The following EXOC4 variants were observed in gnomAD, a reference collection of about 807,000 sequenced individuals.
EXOC4 encodes the protein exocyst complex component 4.
In EXOC4, 71 loss-of-function variants were observed where a neutral mutation model predicts 107.2. That is an observed-to-expected ratio of 0.66 (90% CI 0.55 to 0.81). The LOEUF (loss-of-function observed/expected upper bound fraction) is 0.81, where lower values mean the gene tolerates loss of function less well. Ranked by LOEUF, EXOC4 falls within the 30% of genes least tolerant of loss-of-function variation. The pLI, the probability that EXOC4 is intolerant of heterozygous loss-of-function variation, is 0.00. For missense variants in EXOC4, 1,108 were observed against 1,189.6 expected (o/e 0.93, Z 1.01); for synonymous variants, 456 against 441.2 (o/e 1.03, Z -0.42).
intron 6 of EXOC4, among the ~76,000 whole-genome samples, chr7:133,357,235 A>G (rs1374263306): frequency 6.6e-6 from 1 of 152,238 alleles, no homozygotes; most frequent in Non-Finnish European, 1.5e-5. Flanking sequence ...TATGTATATT[A>G]TCTCACTTAA....
intron 9 of EXOC4, among the ~76,000 whole-genome samples, chr7:133,536,511 A>G (rs1294592661): frequency 6.6e-6 from 1 of 151,848 alleles, no homozygotes; most frequent in Non-Finnish European, 1.5e-5. Context: ...TTTTCCAGTC[A>G]TACCCATTGT....
At chr7:133,304,601 T>A (rs549322607) in intron 3 of EXOC4, among the ~76,000 whole-genome samples, 58 of 152,312 alleles carry the variant, frequency 3.8e-4, no homozygotes, top group African/African-American at 1.3e-3. Flanking sequence ...CAGGCTGGTT[T>A]ATATTTGGCA....
chr7:133,946,555 A>C (rs1375108036), intron 14 of EXOC4, among the ~76,000 whole-genome samples: 4 of 152,158 alleles, frequency 2.6e-5, no homozygotes, highest in Non-Finnish European at 5.9e-5. Context: ...TCTTAAATGT[A>C]CTCTGCTTAT....
chr7:133,369,068 G>A (rs1434822875), intron 6 of EXOC4, among the ~76,000 whole-genome samples: 1 of 152,176 alleles, frequency 6.6e-6, no homozygotes, highest in Non-Finnish European at 1.5e-5. Context: ...CTGGGGCATT[G>A]TGTTTTCATC....
At chr7:133,331,461 CTTTTTTTTTTTTT>C (rs58568173) in intron 5 of EXOC4, among the ~76,000 whole-genome samples, 3 of 85,602 alleles carry the variant, frequency 3.5e-5, no homozygotes, top group Non-Finnish European at 6.8e-5. Context: ...TTTCTTTTTT[CTTTTTTTTTTTTT>C]TTTTTTTTTT....
At chr7:133,993,575 G>T (rs1419361551) in intron 14 of EXOC4, among the ~76,000 whole-genome samples, 1 of 152,126 alleles carries the variant, frequency 6.6e-6, no homozygotes, top group East Asian at 1.9e-4. Flanking sequence ...GATTTAACTT[G>T]GCAGCAAGTT....
chr7:133,356,630 G>A, intron 6 of EXOC4, 57 bp downstream of exon 6: 1 of 1,588,094 alleles, frequency 6.3e-7, no homozygotes, highest in Non-Finnish European at 8.6e-7. Flanking sequence ...CATTTTCTAG[G>A]GTGGGGCGTA....
At chr7:134,044,946 A>G (rs991451850) in intron 17 of EXOC4, among the ~76,000 whole-genome samples, 1 of 152,218 alleles carries the variant, frequency 6.6e-6, no homozygotes, top group East Asian at 1.9e-4. Context: ...AGGGTATGAT[A>G]GTGTATTGCT....
At chr7:133,934,870 C>T (rs1012555560) in intron 13 of EXOC4, among the ~76,000 whole-genome samples, 1 of 151,416 alleles carries the variant, frequency 6.6e-6, no homozygotes, top group African/African-American at 2.4e-5. Flanking sequence ...ACGGAGGAGA[C>T]ATTGTTTTGC....
chr7:133,412,074 A>G (rs1339067284), intron 7 of EXOC4, among the ~76,000 whole-genome samples: 1 of 152,004 alleles, frequency 6.6e-6, no homozygotes, highest in African/African-American at 2.4e-5. Context: ...GGAAGATGTC[A>G]GACCTTCGAG....
At chr7:133,291,233 A>C (rs1794397792) in intron 3 of EXOC4, among the ~76,000 whole-genome samples, 1 of 151,934 alleles carries the variant, frequency 6.6e-6, no homozygotes, top group Admixed American at 6.6e-5. Flanking sequence ...TTGTTTATAT[A>C]TTCTAGATAT....
chr7:134,031,297 T>C (rs555769619), intron 17 of EXOC4, among the ~76,000 whole-genome samples: 17 of 152,238 alleles, frequency 1.1e-4, no homozygotes, highest in Non-Finnish European at 2.2e-4. Context: ...AAGCTGTTTT[T>C]TGAAGAAGAA....
intron 9 of EXOC4, among the ~76,000 whole-genome samples, chr7:133,517,165 G>A (rs530363339): frequency 6.6e-6 from 1 of 152,214 alleles, no homozygotes; most frequent in African/African-American, 2.4e-5. Flanking sequence ...TGGAAGACAT[G>A]TTTGAAACTG....
intron 9 of EXOC4, among the ~76,000 whole-genome samples, chr7:133,509,628 C>T (rs184048998): frequency 3.3e-5 from 5 of 152,238 alleles, no homozygotes; most frequent in South Asian, 2.1e-4. Flanking sequence ...AGGAAGGAGC[C>T]TTGATGCCAA....
At chr7:133,369,079 C>T (rs552647455) in intron 6 of EXOC4, among the ~76,000 whole-genome samples, 4 of 152,298 alleles carry the variant, frequency 2.6e-5, no homozygotes, top group African/African-American at 7.2e-5. Context: ...TGTTTTCATC[C>T]TTAGTGTGTC....
At chr7:133,570,511 A>G (rs899090785) in intron 9 of EXOC4, among the ~76,000 whole-genome samples, 4 of 152,212 alleles carry the variant, frequency 2.6e-5, no homozygotes, top group African/African-American at 9.7e-5. Context: ...AAAAGTGCAG[A>G]TAACCTGATC....
intron 9 of EXOC4, among the ~76,000 whole-genome samples, chr7:133,578,326 G>A (rs909521165): frequency 5.9e-5 from 9 of 152,128 alleles, no homozygotes; most frequent in Admixed American, 2.0e-4. Context: ...AAAATTTTGA[G>A]TGTAGTTCCC....
chr7:133,475,259 A>G lies in EXOC4; in HGVS notation c.1183-69A>G, dbSNP rs1325540975. Reference sequence around the variant, plus strand: ...TTAGAATTAGATTTGCATGGTTTTAAAATAGTTTTTCTTAATTGCACATTA... The same window carrying G: ...TTAGAATTAGATTTGCATGGTTTTAGAATAGTTTTTCTTAATTGCACATTA... On this transcript the variant is annotated intron_variant, in intron 7 of 17. Coordinates refer to ENST00000253861, the MANE Select transcript of EXOC4 (RefSeq NM_021807.4). 1.1e-4 allele frequency: 154 copies of G among 1,340,450 alleles called. 2 individuals carry two copies. The East Asian group carries it at 3.6e-3, about 31-fold the overall frequency. The allele number at this position is 1,340,450 out of a possible 1,614,324, so 83.0% of individuals were successfully genotyped here. A position where few individuals can be genotyped will look rare whatever the true frequency, so the allele number is the denominator to read the frequency against.
At chr7:133,512,424 A>G (rs1327901558) in intron 9 of EXOC4, among the ~76,000 whole-genome samples, 1 of 151,728 alleles carries the variant, frequency 6.6e-6, no homozygotes, top group Non-Finnish European at 1.5e-5. Context: ...GTGAGACTCC[A>G]TCTTAAAAAA....
Sources: gnomAD v4.1 joint callset for allele counts (sites outside exome capture counted in the v4.1 genomes callset) on GRCh38, gnomAD v4.1.1 for gene constraint, MANE v1.5 for transcripts, NCBI Gene and HGNC (gene_info 2026-07-23, HGNC 2026-07-21) for gene names.